WDR41: variants seen among roughly 807,000 people sequenced by gnomAD.
The protein encoded by WDR41 is WD repeat-containing protein 41.
A neutral mutation model predicts 69.3 loss-of-function variants in WDR41; 63 were observed. The ratio of observed to expected loss-of-function variants is 0.91; its 90% CI spans 0.74 to 1.12. The LOEUF (loss-of-function observed/expected upper bound fraction) is 1.12. WDR41 is among the 50% of genes most tolerant of loss of function. The probability of loss-of-function intolerance (pLI) is 0.00; values close to 1 mark genes in which losing one functional copy is unlikely to be tolerated. For missense variants in WDR41, 543 were observed against 534.5 expected (o/e 1.02, Z -0.16); for synonymous variants, 185 against 192.1 (o/e 0.96, Z 0.31).
chr5:77,438,818 C>CA lies in WDR41; in HGVS notation c.883-458dup, dbSNP rs200404014. On this transcript the variant is annotated intron_variant, in intron 9 of 12. Transcript: ENST00000296679. Reference sequence around the variant, plus strand: ...GCAATCAGGAGACCTACAAGTGATACAAAAAAGCACGGCTACAGTGGCATT... The same window carrying CA: ...GCAATCAGGAGACCTACAAGTGATACAAAAAAAGCACGGCTACAGTGGCATT... Among the ~76,000 whole-genome samples, 810 of 152,184 alleles carry CA rather than the reference C, an allele frequency of 5.3e-3. 23 individuals are homozygous for CA. Among genetic ancestry groups the CA allele is most frequent in the East Asian group, 0.035 (183 of 5,174 alleles).
chr5:77,447,621 A>G (rs1384079493), intron 8 of WDR41, among the ~76,000 whole-genome samples: 3 of 152,264 alleles, frequency 2.0e-5, no homozygotes, highest in Admixed American at 1.3e-4. Flanking sequence ...TTGCAGGGAC[A>G]TAGTCATGAA....
intron 1 of WDR41, among the ~76,000 whole-genome samples, chr5:77,592,580 G>T (rs577991148): frequency 6.6e-6 from 1 of 152,136 alleles, no homozygotes; most frequent in Admixed American, 6.6e-5. Context: ...GACTGCAAAA[G>T]TATACAAATT....
chr5:77,556,859 GA>G, intron 1 of WDR41, among the ~76,000 whole-genome samples: 1 of 152,218 alleles, frequency 6.6e-6, no homozygotes, highest in South Asian at 2.1e-4. Context: ...AAGGGTCTTT[GA>G]TTTTTAATGT....
intron 1 of WDR41, among the ~76,000 whole-genome samples, chr5:77,502,933 C>A (rs969664827): frequency 1.3e-5 from 2 of 152,078 alleles, no homozygotes; most frequent in Non-Finnish European, 1.5e-5. Flanking sequence ...TAAAGACCAT[C>A]AATGCTATGA....
intron 8 of WDR41, 31 bp downstream of exon 8, chr5:77,449,729 T>C: frequency 6.7e-7 from 1 of 1,490,944 alleles, no homozygotes; most frequent in Middle Eastern, 1.7e-4. Context: ...AGCACAAAAC[T>C]GTACATAATA....
Position 77,438,242 on chromosome 5 carries a change from G to GT in WDR41, c.1001dup (p.Asn334LysfsTer27), listed in dbSNP as rs1167990383. 14 of 1,613,816 alleles carry GT rather than the reference G, an allele frequency of 8.7e-6. No homozygotes were observed. The highest frequency in any genetic ancestry group is 1.2e-5 in the Non-Finnish European group (14 of 1,179,848). Reference sequence around the variant, plus strand: ...GCAGAACAGATGGGAACTTGTACCTGTTTGGAAGTCTGGCAACGTGCAGGA... The same window carrying GT: ...GCAGAACAGATGGGAACTTGTACCTGTTTTGGAAGTCTGGCAACGTGCAGGA... On this transcript the variant is annotated frameshift_variant, in exon 10 of 13. Coordinates refer to ENST00000296679, the MANE Select transcript of WDR41 (RefSeq NM_018268.4). LOFTEE classifies it high-confidence loss of function.
chr5:77,609,371 C>A lies in WDR41; in HGVS notation c.42+11108G>T, dbSNP rs61028967. Among the ~76,000 whole-genome samples, 762 of 152,264 alleles carry A rather than the reference C, an allele frequency of 5.0e-3. 10 individuals carry two copies. The highest frequency in any genetic ancestry group is 0.017 in the African/African-American group (724 of 41,554). On this transcript the variant is annotated intron_variant, in intron 1 of 5. Coordinates refer to the WDR41 transcript ENST00000509971. Reference sequence around the variant, plus strand: ...TGCCTCCTCAAGTGGGTCCCCGACCCCTGACCCCTGAGCAGCCTAACTGGG... The same window carrying A: ...TGCCTCCTCAAGTGGGTCCCCGACCACTGACCCCTGAGCAGCCTAACTGGG...
chr5:77,585,929 T>G (rs527253369), intron 1 of WDR41, among the ~76,000 whole-genome samples: 59 of 152,230 alleles, frequency 3.9e-4, no homozygotes, highest in African/African-American at 1.4e-3. Flanking sequence ...CTAAAGAACT[T>G]ATATAACCAA....
Position 77,585,776 on chromosome 5 carries a change from G to T in WDR41, c.42+34703C>A, listed in dbSNP as rs140823047. On this transcript the variant is annotated intron_variant, in intron 1 of 5. Coordinates refer to the WDR41 transcript ENST00000509971. ...CTGATATGTAGGAGCTAAGCTATGA[G>T]AATGCAAAGGCATAAGAATGATACC... is the stretch of plus-strand genomic sequence containing the variant. Among the ~76,000 whole-genome samples, 749 of 152,270 alleles carry T rather than the reference G, an allele frequency of 4.9e-3. 2 individuals are homozygous for T. Among genetic ancestry groups the T allele is most frequent in the African/African-American group, 0.017 (721 of 41,560 alleles).
Position 77,492,246 on chromosome 5 carries a change from G to C in WDR41, c.-26C>G, listed in dbSNP as rs1413790383. ...CCGGGCAGCGGCGGCGTCTTGCCCG[G>C]TCCAGCCCCAGTCAGCCCAAACTCC... On this transcript the variant is annotated 5_prime_UTR_variant, in exon 1 of 13. Transcript: ENST00000296679. The C allele has an allele frequency of 1.9e-6, 3 of 1,611,360 alleles. No homozygotes were observed. The highest frequency in any genetic ancestry group is 1.7e-6 in the Non-Finnish European group (2 of 1,179,216).
intron 1 of WDR41, among the ~76,000 whole-genome samples, chr5:77,591,106 T>C (rs1487929125): frequency 1.3e-5 from 2 of 152,146 alleles, no homozygotes; most frequent in African/African-American, 4.8e-5. Context: ...TATTCCTCCC[T>C]GATTCCATTT....
At chr5:77,453,673 T>C in intron 6 of WDR41, 144 bp downstream of exon 6, 1 of 634,888 alleles carries the variant, frequency 1.6e-6, no homozygotes, top group Non-Finnish European at 2.8e-6. Flanking sequence ...CCGATCTGAA[T>C]TGAATATGGC....
At chr5:77,482,654 TC>T (rs1801325315) in intron 2 of WDR41, among the ~76,000 whole-genome samples, 1 of 152,120 alleles carries the variant, frequency 6.6e-6, no homozygotes, top group African/African-American at 2.4e-5. Context: ...GATTGTATAC[TC>T]CATCCGGAAA....
intron 1 of WDR41, among the ~76,000 whole-genome samples, chr5:77,602,940 CTTT>C (rs576335451): frequency 3.6e-5 from 5 of 137,158 alleles, no homozygotes; most frequent in Non-Finnish European, 3.2e-5. Context: ...ATTTTTTTGT[CTTT>C]TTTTTTTTTT....
intron 1 of WDR41, among the ~76,000 whole-genome samples, chr5:77,592,280 T>G (rs2112309192): frequency 6.6e-6 from 1 of 152,310 alleles, no homozygotes; most frequent in Middle Eastern, 3.4e-3. Flanking sequence ...TTGAGTCTGA[T>G]AGTTTATCTT....
At chr5:77,492,502 C>A, upstream of WDR41, 1 of 392,152 alleles carries the variant, frequency 2.6e-6, no homozygotes, top group South Asian at 7.8e-5. Flanking sequence ...GCGCGCTGCT[C>A]CGAGTGAGCA....
intron 2 of WDR41, among the ~76,000 whole-genome samples, chr5:77,476,510 G>A (rs1438039186): frequency 6.6e-6 from 1 of 152,220 alleles, no homozygotes; most frequent in East Asian, 1.9e-4. Context: ...GACAGTGGGG[G>A]CCAATATTCA....
intron 8 of WDR41, among the ~76,000 whole-genome samples, chr5:77,446,893 C>T (rs1465900829): frequency 6.6e-6 from 1 of 152,134 alleles, no homozygotes; most frequent in East Asian, 1.9e-4. Context: ...ATGCCAAAAG[C>T]AACTGCAACA....
rs560079267 is a variant in WDR41, at chr5:77,441,759, A to ACACAC, written c.698-763_698-762insGTGTG. On this transcript the variant is annotated intron_variant, in intron 8 of 12. Coordinates refer to ENST00000296679, the MANE Select transcript of WDR41 (RefSeq NM_018268.4). Reference sequence around the variant, plus strand: ...TCTAAAACACACACACACACACACAAATACACTGAAATGACAAAAAGCTGG... The same window carrying ACACAC: ...TCTAAAACACACACACACACACACAACACACATACACTGAAATGACAAAAAGCTGG... Among the ~76,000 whole-genome samples the ACACAC allele has an allele frequency of 2.8e-5, 4 of 141,664 alleles. No individual in the cohort carries two copies. The South Asian group carries it at 9.7e-4, about 34-fold the overall frequency. The allele number at this position is 141,664 out of a possible 152,430, so 92.9% of individuals were successfully genotyped here. A position where few individuals can be genotyped will look rare whatever the true frequency, so the allele number is the denominator to read the frequency against.
Sources: allele counts gnomAD v4.1 joint callset (sites outside exome capture counted in the v4.1 genomes callset), GRCh38; gene constraint gnomAD v4.1.1; transcripts MANE v1.5; gene names NCBI Gene and HGNC (gene_info 2026-07-23, HGNC 2026-07-21).